PDLIM5: variants seen among roughly 807,000 people sequenced by gnomAD.
PDLIM5 encodes the protein PDZ and LIM domain protein 5.
Under a neutral mutation model 64.2 loss-of-function variants are expected in PDLIM5, and 34 were observed. The ratio of observed to expected loss-of-function variants is 0.53; its 90% CI spans 0.40 to 0.71. The LOEUF (loss-of-function observed/expected upper bound fraction) is 0.71. Ranked by LOEUF, PDLIM5 falls within the 30% of genes least tolerant of loss-of-function variation. PDLIM5 has a pLI of 0.00. For missense variants in PDLIM5, 683 were observed against 733.6 expected, an observed-to-expected ratio of 0.93 and a Z score of 0.80; for synonymous variants, 253 against 269.1, an observed-to-expected ratio of 0.94 and a Z score of 0.59.
chr4:94,490,222 C>A (rs370207344), intron 2 of PDLIM5, among the ~76,000 whole-genome samples: 27 of 151,956 alleles, frequency 1.8e-4, no homozygotes, highest in East Asian at 7.7e-4. Flanking sequence ...TTTTTGTCAA[C>A]AATGACTAAA....
chr4:94,582,781 T>G (rs1481660843), intron 5 of PDLIM5: 2 of 1,234,700 alleles, frequency 1.6e-6, no homozygotes, highest in Non-Finnish European at 2.3e-6. Flanking sequence ...GTAACTTTCC[T>G]TCTTGCTTTC....
At chr4:94,587,462 ATACT>A (rs145075802) in intron 7 of PDLIM5, 53,813 of 937,582 alleles carry the variant, frequency 0.057, 1,745 homozygotes, top group South Asian at 0.12. Context: ...AATTTGGAAA[ATACT>A]TTCTTTATAT....
At chr4:94,464,638 C>T (rs557185926) in intron 2 of PDLIM5, among the ~76,000 whole-genome samples, 1 of 152,220 alleles carries the variant, frequency 6.6e-6, no homozygotes, top group Non-Finnish European at 1.5e-5. Context: ...ATCTAGCTAG[C>T]TAGCTATCGT....
intron 3 of PDLIM5, among the ~76,000 whole-genome samples, chr4:94,568,886 T>C (rs1272274858): frequency 6.6e-6 from 1 of 152,236 alleles, no homozygotes; most frequent in Non-Finnish European, 1.5e-5. Flanking sequence ...TTTGTTGGAA[T>C]ACTTTAGAAG....
At chr4:94,632,514 A>C (rs1317273716) in intron 8 of PDLIM5, among the ~76,000 whole-genome samples, 2 of 152,352 alleles carry the variant, frequency 1.3e-5, no homozygotes, top group Non-Finnish European at 2.9e-5. Context: ...TTAGAAACAA[A>C]GAAAAAAATT....
At chr4:94,456,554 A>G in intron 2 of PDLIM5, 2 of 719,020 alleles carry the variant, frequency 2.8e-6, no homozygotes, top group Non-Finnish European at 5.0e-6. Flanking sequence ...ATCATTCTCT[A>G]TTAATATATA....
At chr4:94,566,486 C>T (rs966765631) in intron 3 of PDLIM5, among the ~76,000 whole-genome samples, 3 of 152,184 alleles carry the variant, frequency 2.0e-5, no homozygotes, top group Non-Finnish European at 4.4e-5. Flanking sequence ...CATCTGCTTA[C>T]GGGGAAGGTG....
At chr4:94,456,014 A>G (rs1723314925) in intron 2 of PDLIM5, 2 of 1,408,942 alleles carry the variant, frequency 1.4e-6, no homozygotes, top group African/African-American at 2.9e-5. Context: ...GATGATGATG[A>G]TAGCACTGAT....
chr4:94,521,030 A>G (rs1210876094), intron 2 of PDLIM5, among the ~76,000 whole-genome samples: 3 of 152,214 alleles, frequency 2.0e-5, no homozygotes, highest in African/African-American at 4.8e-5. Flanking sequence ...TAGAAAACCT[A>G]CAATATTCAA....
chr4:94,604,255 A>C (rs182801885), intron 7 of PDLIM5, among the ~76,000 whole-genome samples: 2 of 152,352 alleles, frequency 1.3e-5, no homozygotes. Flanking sequence ...AGGAATGTGC[A>C]CAAAAAGACA....
chr4:94,579,376 C>A (rs1051018404), intron 5 of PDLIM5: 1 of 423,662 alleles, frequency 2.4e-6, no homozygotes, highest in Non-Finnish European at 4.3e-6. Context: ...AGAGGTAAGT[C>A]TTTTAGTATC....
At chr4:94,520,385 A>G (rs1578297386) in intron 2 of PDLIM5, among the ~76,000 whole-genome samples, 1 of 152,184 alleles carries the variant, frequency 6.6e-6, no homozygotes, top group African/African-American at 2.4e-5. Context: ...CGTGTACAAG[A>G]TATACTGATG....
intron 2 of PDLIM5, among the ~76,000 whole-genome samples, chr4:94,491,360 T>A (rs1726855669): frequency 6.6e-6 from 1 of 152,170 alleles, no homozygotes; most frequent in Non-Finnish European, 1.5e-5. Flanking sequence ...GTTAACATTA[T>A]CATATTATAG....
chr4:94,587,324 T>A (rs1280854804), intron 7 of PDLIM5: 1 of 1,277,882 alleles, frequency 7.8e-7, no homozygotes, highest in South Asian at 2.1e-5. Context: ...CTAGATCTAT[T>A]TGTGGATTTG....
At chr4:94,657,273 T>G (rs981002523) in intron 10 of PDLIM5, among the ~76,000 whole-genome samples, 154 bp from the exon 11 acceptor site, 6 of 152,246 alleles carry the variant, frequency 3.9e-5, no homozygotes, top group African/African-American at 1.4e-4. Context: ...TAAGTATCTC[T>G]TGTTACTTTG....
chr4:94,604,424 G>A (rs540902141), intron 7 of PDLIM5, among the ~76,000 whole-genome samples: 3 of 152,120 alleles, frequency 2.0e-5, no homozygotes, highest in East Asian at 3.9e-4. Context: ...ACTGGAGGTC[G>A]GGAGTTCGAG....
chr4:94,501,081 CTTT>C (rs11336334), intron 2 of PDLIM5, among the ~76,000 whole-genome samples: 2 of 137,016 alleles, frequency 1.5e-5, no homozygotes, highest in East Asian at 2.1e-4. Flanking sequence ...TATACCTGGC[CTTT>C]TTTTTTTTTT....
At chr4:94,483,796 C>A (rs1476938701) in intron 2 of PDLIM5, among the ~76,000 whole-genome samples, 1 of 152,126 alleles carries the variant, frequency 6.6e-6, no homozygotes, top group Admixed American at 6.6e-5. Context: ...AGTTAAAATT[C>A]ATACTTGATT....
chr4:94,631,244 G>T (rs971140868), intron 8 of PDLIM5, among the ~76,000 whole-genome samples: 30 of 151,812 alleles, frequency 2.0e-4, no homozygotes, highest in African/African-American at 6.5e-4. Context: ...TCTCCTAAAT[G>T]TTTCTCAAAA....
Sources: allele counts gnomAD v4.1 joint callset (sites outside exome capture counted in the v4.1 genomes callset), GRCh38; gene constraint gnomAD v4.1.1; transcripts MANE v1.5; gene names NCBI Gene and HGNC (gene_info 2026-07-23, HGNC 2026-07-21).